Variants in TLL2 observed in about 807,000 individuals in gnomAD.
TLL2 encodes tolloid-like protein 2.
A neutral mutation model predicts 123.0 loss-of-function variants in TLL2; 106 were observed. That is an observed-to-expected ratio of 0.86 (90% CI 0.74 to 1.01). TLL2 has a LOEUF of 1.01. Ranked by LOEUF, TLL2 falls within the 50% of genes least tolerant of loss-of-function variation. The probability of loss-of-function intolerance (pLI) is 0.00; values close to 1 mark genes in which losing one functional copy is unlikely to be tolerated. For missense variants in TLL2, 1,332 were observed against 1,336.7 expected (o/e 1.00, Z 0.06); for synonymous variants, 494 against 516.8 (o/e 0.96, Z 0.60).
intron 1 of TLL2, among the ~76,000 whole-genome samples, chr10:96,496,569 G>A (rs905604988): frequency 3.3e-5 from 5 of 152,132 alleles, no homozygotes; most frequent in Non-Finnish European, 5.9e-5. Flanking sequence ...CTGGGCTGGC[G>A]ACCACCTTGC....
At chr10:96,442,886 T>C (rs1382152488) in intron 3 of TLL2, among the ~76,000 whole-genome samples, 1 of 152,144 alleles carries the variant, frequency 6.6e-6, no homozygotes, top group Non-Finnish European at 1.5e-5. Flanking sequence ...AGAGCTACAT[T>C]CCTTGAGCCT....
At chr10:96,469,225 ACC>A (rs1406748909) in intron 2 of TLL2, among the ~76,000 whole-genome samples, 2 of 151,924 alleles carry the variant, frequency 1.3e-5, no homozygotes, top group Non-Finnish European at 2.9e-5. Context: ...GCAGCACACT[ACC>A]CTTCCCTCCG....
intron 13 of TLL2, among the ~76,000 whole-genome samples, chr10:96,394,481 C>T (rs770984388): frequency 3.9e-5 from 6 of 152,176 alleles, no homozygotes; most frequent in South Asian, 2.1e-4. Flanking sequence ...CCATTCTGGG[C>T]CTGGTTCCAT....
At chr10:96,467,407 T>C (rs1217762997) in intron 2 of TLL2, among the ~76,000 whole-genome samples, 2 of 152,190 alleles carry the variant, frequency 1.3e-5, no homozygotes, top group Non-Finnish European at 2.9e-5. Flanking sequence ...TTTTACTTTT[T>C]ATTTTTGTCA....
chr10:96,369,298 G>T (rs568332542), intron 20 of TLL2, among the ~76,000 whole-genome samples: 1 of 152,266 alleles, frequency 6.6e-6, no homozygotes, highest in East Asian at 1.9e-4. Flanking sequence ...GCCCACTAAA[G>T]AAATCAATAA....
chr10:96,504,140 C>T (rs1335310963), intron 1 of TLL2, among the ~76,000 whole-genome samples: 1 of 152,192 alleles, frequency 6.6e-6, no homozygotes, highest in Non-Finnish European at 1.5e-5. Flanking sequence ...GGAGAAGCCA[C>T]CAGCTGAATG....
intron 1 of TLL2, among the ~76,000 whole-genome samples, chr10:96,506,150 G>C (rs1320668684): frequency 6.7e-6 from 1 of 150,066 alleles, no homozygotes; most frequent in Admixed American, 6.7e-5. Context: ...TACTCAGGAG[G>C]CTGAGGCAGG....
chr10:96,379,795 C>G (rs957789869), intron 16 of TLL2, among the ~76,000 whole-genome samples: 2 of 152,244 alleles, frequency 1.3e-5, no homozygotes, highest in Non-Finnish European at 2.9e-5. Flanking sequence ...GCACTCCAGC[C>G]TGGGCAACAA....
At chr10:96,435,031 TTTTC>T (rs1846781061) in intron 3 of TLL2, among the ~76,000 whole-genome samples, 2 of 151,462 alleles carry the variant, frequency 1.3e-5, no homozygotes, top group African/African-American at 4.9e-5. Context: ...TTCCTTTTTT[TTTTC>T]TTTTTTTTTT....
intron 2 of TLL2, among the ~76,000 whole-genome samples, chr10:96,448,663 C>T (rs532311764): frequency 1.1e-4 from 17 of 152,156 alleles, no homozygotes; most frequent in African/African-American, 3.6e-4. Context: ...AAACAAATAG[C>T]GAACCAGATA....
chr10:96,390,651 C>A (rs1846278224), intron 13 of TLL2, among the ~76,000 whole-genome samples: 1 of 152,236 alleles, frequency 6.6e-6, no homozygotes, highest in African/African-American at 2.4e-5. Context: ...AGCTCCTCTT[C>A]CAGCTTCTTT....
At chr10:96,475,732 C>T (rs530466816) in intron 2 of TLL2, among the ~76,000 whole-genome samples, 3 of 152,170 alleles carry the variant, frequency 2.0e-5, no homozygotes, top group African/African-American at 7.2e-5. Context: ...CTCTCCCTAC[C>T]CTCCAACAAA....
At chr10:96,409,992 CTGGGGG>C (rs1846485178) in intron 9 of TLL2, among the ~76,000 whole-genome samples, 1 of 152,190 alleles carries the variant, frequency 6.6e-6, no homozygotes, top group Non-Finnish European at 1.5e-5. Context: ...GAGACGGAGG[CTGGGGG>C]GAAGAATAGC....
chr10:96,469,962 C>A (rs897489031), intron 2 of TLL2, among the ~76,000 whole-genome samples: 1 of 152,022 alleles, frequency 6.6e-6, no homozygotes, highest in Non-Finnish European at 1.5e-5. Context: ...CGGTGGGAGC[C>A]AAGAACTCTT....
intron 3 of TLL2, among the ~76,000 whole-genome samples, chr10:96,436,415 A>G (rs1398344804): frequency 6.6e-6 from 1 of 152,224 alleles, no homozygotes. Flanking sequence ...ATGTTGTTCA[A>G]ATATTCCACT....
At chr10:96,372,541 G>C (rs1016216192) in intron 19 of TLL2, among the ~76,000 whole-genome samples, 1 of 152,210 alleles carries the variant, frequency 6.6e-6, no homozygotes, top group Non-Finnish European at 1.5e-5. Flanking sequence ...TAACGAAGTA[G>C]ATAATATAAG....
At chr10:96,372,402 C>T (rs1230399714) in intron 19 of TLL2, among the ~76,000 whole-genome samples, 1 of 152,186 alleles carries the variant, frequency 6.6e-6, no homozygotes, top group Non-Finnish European at 1.5e-5. Flanking sequence ...TGGTCACCAG[C>T]TCTGACAAAG....
chr10:96,400,151 T>G (rs1026233591), intron 10 of TLL2, among the ~76,000 whole-genome samples: 4 of 152,184 alleles, frequency 2.6e-5, no homozygotes, highest in Admixed American at 2.6e-4. Flanking sequence ...TGCCAGACAC[T>G]GTCCTAAGCA....
chr10:96,477,722 A>C (rs542166085), intron 2 of TLL2, among the ~76,000 whole-genome samples: 1 of 152,360 alleles, frequency 6.6e-6, no homozygotes, highest in African/African-American at 2.4e-5. Flanking sequence ...GAAGAAACTG[A>C]GGCCCAGCTT....
Sources: allele counts gnomAD v4.1 joint callset (sites outside exome capture counted in the v4.1 genomes callset), GRCh38; gene constraint gnomAD v4.1.1; transcripts MANE v1.5; gene names NCBI Gene and HGNC (gene_info 2026-07-23, HGNC 2026-07-21).